The following PIP4K2A variants were observed in gnomAD, a reference collection of about 807,000 sequenced individuals.
PIP4K2A encodes the protein phosphatidylinositol-5-phosphate 4-kinase type 2 alpha.
In PIP4K2A, 14 loss-of-function variants were observed where a neutral mutation model predicts 42.9. That is an observed-to-expected ratio of 0.33 (90% CI 0.22 to 0.51). The LOEUF is 0.51. Among genes scored for constraint, PIP4K2A ranks in the 20% least tolerant of loss-of-function variants. The pLI, the probability that PIP4K2A is intolerant of heterozygous loss-of-function variation, is 0.97. For missense variants in PIP4K2A, 434 were observed against 519.8 expected (o/e 0.83, Z 1.61); for synonymous variants, 192 against 192.2 (o/e 1.00, Z 0.01).
At chr10:22,573,139 T>C (rs916100141) in intron 5 of PIP4K2A, among the ~76,000 whole-genome samples, 172 bp downstream of exon 5, 1 of 152,214 alleles carries the variant, frequency 6.6e-6, no homozygotes, top group African/African-American at 2.4e-5. Flanking sequence ...CCAGTGTTTT[T>C]TGGTGAGGCC....
At chr10:22,671,040 C>A (rs1245751190) in intron 1 of PIP4K2A, among the ~76,000 whole-genome samples, 1 of 152,136 alleles carries the variant, frequency 6.6e-6, no homozygotes, top group Non-Finnish European at 1.5e-5. Flanking sequence ...TTTCCCTTCA[C>A]TGAGTACCCA....
At chr10:22,611,671 T>C (rs1355462401) in intron 1 of PIP4K2A, among the ~76,000 whole-genome samples, 2 of 152,248 alleles carry the variant, frequency 1.3e-5, no homozygotes, top group African/African-American at 4.8e-5. Flanking sequence ...AAGCATCTTA[T>C]GATACTAAGT....
At chr10:22,561,722 C>T (rs1217994989) in intron 6 of PIP4K2A, among the ~76,000 whole-genome samples, 1 of 151,746 alleles carries the variant, frequency 6.6e-6, no homozygotes, top group Non-Finnish European at 1.5e-5. Context: ...ACCACCATGC[C>T]CAGCTAATTT....
intron 1 of PIP4K2A, among the ~76,000 whole-genome samples, chr10:22,685,226 A>G (rs2130887768): frequency 6.6e-6 from 1 of 152,320 alleles, no homozygotes; most frequent in Admixed American, 6.5e-5. Flanking sequence ...AAGGAGTTTA[A>G]GAGTCCCAGT....
intron 1 of PIP4K2A, among the ~76,000 whole-genome samples, chr10:22,664,166 T>TAC (rs765288700): frequency 0.038 from 2,574 of 67,250 alleles, 195 homozygotes; most frequent in Non-Finnish European, 0.05. Context: ...TATATATATA[T>TAC]ACATATATAT....
chr10:22,591,193 T>C (rs1357117642), intron 4 of PIP4K2A, among the ~76,000 whole-genome samples: 3 of 152,234 alleles, frequency 2.0e-5, no homozygotes, highest in Admixed American at 2.0e-4. Context: ...CGTAGCAGAT[T>C]GTGAATGGCG....
intron 3 of PIP4K2A, among the ~76,000 whole-genome samples, chr10:22,602,393 A>G (rs1837804664): frequency 8.0e-6 from 1 of 124,246 alleles, no homozygotes; most frequent in Admixed American, 7.3e-5. Context: ...AACTCTGTCT[A>G]TAAAAAAAAA....
chr10:22,578,114 T>C (rs1301222826), intron 4 of PIP4K2A, among the ~76,000 whole-genome samples: 1 of 152,264 alleles, frequency 6.6e-6, no homozygotes, highest in Non-Finnish European at 1.5e-5. Context: ...AAAATGTTAA[T>C]AATTGTTCAA....
chr10:22,547,800 C>CTG (rs1186363063), intron 7 of PIP4K2A, among the ~76,000 whole-genome samples: 1 of 152,170 alleles, frequency 6.6e-6, no homozygotes, highest in South Asian at 2.1e-4. Context: ...ATACACCGAT[C>CTG]TGTGTGTGTG....
At chr10:22,710,295 A>T (rs7096504) in intron 1 of PIP4K2A, among the ~76,000 whole-genome samples, 5,839 of 152,208 alleles carry the variant, frequency 0.038, 378 homozygotes, top group African/African-American at 0.13. Flanking sequence ...TCGGACAGAG[A>T]CCTGCCTGAA....
At chr10:22,665,605 CTTTTTTTTTT>C (rs34262297) in intron 1 of PIP4K2A, among the ~76,000 whole-genome samples, 6 of 115,006 alleles carry the variant, frequency 5.2e-5, no homozygotes, top group African/African-American at 1.9e-4. Context: ...CCACACCTGG[CTTTTTTTTTT>C]TTTTTTTTTT....
intron 9 of PIP4K2A, among the ~76,000 whole-genome samples, chr10:22,537,945 T>C (rs545752234): frequency 9.8e-5 from 15 of 152,298 alleles, no homozygotes; most frequent in African/African-American, 3.6e-4. Context: ...ACTGTTCCCC[T>C]TTCTGAGCCC....
chr10:22,548,114 T>C (rs1836301647), intron 7 of PIP4K2A, among the ~76,000 whole-genome samples: 1 of 152,240 alleles, frequency 6.6e-6, no homozygotes, highest in Admixed American at 6.5e-5. Flanking sequence ...AATTCTAGCC[T>C]CATTATCAAG....
chr10:22,607,868 G>T, intron 3 of PIP4K2A, 59 bp downstream of exon 3: 1 of 1,047,958 alleles, frequency 9.5e-7, no homozygotes, highest in Non-Finnish European at 1.5e-6. Context: ...AATTGACACA[G>T]CAAAAGTCAT....
intron 1 of PIP4K2A, among the ~76,000 whole-genome samples, chr10:22,630,673 A>G (rs1359089589): frequency 6.6e-6 from 1 of 152,240 alleles, no homozygotes; most frequent in Non-Finnish European, 1.5e-5. Context: ...ATTATCAGCA[A>G]AACTTCAGAA....
In PIP4K2A at chr10:22,541,974, T is replaced by G. The variant is rs777669784; in HGVS notation, c.866A>C (p.Glu289Ala). The change falls in exon 8 of 10, where the codon GAG becomes GCG. Residue 289 changes from glutamate (E) to alanine (A), a missense_variant. By Grantham distance (107) the Glu-to-Ala change is moderately radical. Coordinates refer to ENST00000376573, the MANE Select transcript of PIP4K2A (RefSeq NM_005028.5). ...ATCGTTCTCCTCACACTCCACTTCCTCCTGTTCGGCTCTCTCCACATCATG... is the reference window on the plus strand; with the variant it reads ...ATCGTTCTCCTCACACTCCACTTCCGCCTGTTCGGCTCTCTCCACATCATG... ...GIHDVERAEQ[E>A]EVECEENDGE... 5.6e-6 allele frequency: 9 copies of G among 1,613,924 alleles called. No homozygotes were observed. Among genetic ancestry groups the G allele is most frequent in the Non-Finnish European group, 2.5e-6 (3 of 1,179,986 alleles).
chr10:22,598,290 C>T (rs1341037714), intron 3 of PIP4K2A, among the ~76,000 whole-genome samples: 5 of 152,092 alleles, frequency 3.3e-5, no homozygotes, highest in East Asian at 1.9e-4. Flanking sequence ...CTGAGGAGTT[C>T]GAGGCTGCAG....
chr10:22,702,272 C>A (rs1056160399), intron 1 of PIP4K2A, among the ~76,000 whole-genome samples: 2 of 152,192 alleles, frequency 1.3e-5, no homozygotes, highest in African/African-American at 4.8e-5. Context: ...CCACAAAGGA[C>A]TGAGATACTG....
At chr10:22,579,372 G>A (rs1004333187) in intron 4 of PIP4K2A, among the ~76,000 whole-genome samples, 1 of 152,160 alleles carries the variant, frequency 6.6e-6, no homozygotes, top group African/African-American at 2.4e-5. Flanking sequence ...AATCACATCC[G>A]ATGATTTATA....
Sources: gnomAD v4.1 joint callset for allele counts (sites outside exome capture counted in the v4.1 genomes callset) on GRCh38, gnomAD v4.1.1 for gene constraint, MANE v1.5 for transcripts, NCBI Gene and HGNC (gene_info 2026-07-23, HGNC 2026-07-21) for gene names.